SUMF1: variants seen among roughly 807,000 people sequenced by gnomAD.
SUMF1 encodes formylglycine-generating enzyme.
A neutral mutation model predicts 47.6 loss-of-function variants in SUMF1; 48 were observed. The ratio of observed to expected loss-of-function variants is 1.01; its 90% CI spans 0.80 to 1.28. The LOEUF (loss-of-function observed/expected upper bound fraction) is 1.28. Among genes scored for constraint, SUMF1 ranks in the 50% most tolerant of loss-of-function variants. SUMF1 has a pLI of 0.00. For synonymous variants in SUMF1, 230 were observed against 192.1 expected (o/e 1.20, Z -1.63); for missense variants, 571 against 485.4 (o/e 1.18, Z -1.66).
At chr3:4,436,388 T>G (rs1335556030) in intron 3 of SUMF1, among the ~76,000 whole-genome samples, 1 of 151,986 alleles carries the variant, frequency 6.6e-6, no homozygotes, top group East Asian at 1.9e-4. Flanking sequence ...TATAGCCAAA[T>G]AGACAACAGA....
Position 4,137,284 on chromosome 3 carries a change from C to A in SUMF1, c.1015-68539G>T, listed in dbSNP as rs554236295. On this transcript the variant is annotated intron_variant and NMD_transcript_variant, in intron 8 of 12. Coordinates refer to the SUMF1 transcript ENST00000448413. ...TGGCACATATACACCATGGAATACT[C>A]TGCAGCCATAAAAAAGGATGAGTTC... Among the ~76,000 whole-genome samples, 30 of 152,118 alleles carry A rather than the reference C, an allele frequency of 2.0e-4. No individual in the cohort carries two copies. The South Asian group carries it at 2.5e-3, about 13-fold the overall frequency.
At chr3:4,074,493 G>C (rs531819472) in intron 8 of SUMF1, among the ~76,000 whole-genome samples, 1 of 152,116 alleles carries the variant, frequency 6.6e-6, no homozygotes, top group East Asian at 1.9e-4. Context: ...TAAGCTCAGA[G>C]CAGGACTAAA....
intron 8 of SUMF1, chr3:4,303,385 G>A: frequency 6.4e-7 from 1 of 1,555,116 alleles, no homozygotes; most frequent in Non-Finnish European, 8.7e-7. Flanking sequence ...TCGCGGAAGC[G>A]GCAAAGACGA....
At chr3:4,330,817 T>A (rs1032615338) in intron 8 of SUMF1, among the ~76,000 whole-genome samples, 1 of 152,222 alleles carries the variant, frequency 6.6e-6, no homozygotes, top group Admixed American at 6.5e-5. Context: ...CTGAAGCCAA[T>A]TTTTAGTAAA....
At chr3:4,312,541 C>A (rs1698447679) in intron 8 of SUMF1, among the ~76,000 whole-genome samples, 1 of 151,214 alleles carries the variant, frequency 6.6e-6, no homozygotes, top group African/African-American at 2.4e-5. Context: ...AAAATAAAAC[C>A]ACAAATTCTA....
At chr3:4,090,461 C>A (rs896821826) in intron 8 of SUMF1, among the ~76,000 whole-genome samples, 3 of 152,100 alleles carry the variant, frequency 2.0e-5, no homozygotes, top group Non-Finnish European at 4.4e-5. Context: ...ACCTTGTACC[C>A]TGAGCTGCTG....
At position 4,453,000 on chromosome 3, in the gene SUMF1, T is replaced by C. The variant is rs765603013; in HGVS notation, c.320A>G (p.Gln107Arg). The stretch of plus-strand genomic sequence containing the variant: ...AGGTGCTTCCCCATCCTGCTTTATC[T>C]GAGGATCATCTGTGCCCATTGTAAA... The part of the protein sequence containing the change: ...GVFTMGTDDP[Q>R]IKQDGEAPAR... The change falls in exon 2 of 9, where the codon CAG becomes CGG. Residue 107 changes from glutamine (Q) to arginine (R), a missense_variant. Transcript: ENST00000272902. 1 of 1,614,100 alleles carries C rather than the reference T, an allele frequency of 6.2e-7. No individual in the cohort carries two copies.
chr3:4,251,857 T>A (rs1696809583), intron 8 of SUMF1, among the ~76,000 whole-genome samples: 1 of 152,278 alleles, frequency 6.6e-6, no homozygotes, highest in East Asian at 1.9e-4. Flanking sequence ...ATTATTAGAA[T>A]TTTTTTTAGC....
At chr3:4,454,756 T>C (rs2125138836) in intron 1 of SUMF1, among the ~76,000 whole-genome samples, 1 of 152,334 alleles carries the variant, frequency 6.6e-6, no homozygotes, top group Middle Eastern at 3.4e-3. Flanking sequence ...TAAATAAGTA[T>C]TGGTTCATGC....
chr3:4,083,473 G>A (rs1316887847), intron 8 of SUMF1, among the ~76,000 whole-genome samples: 1 of 152,026 alleles, frequency 6.6e-6, no homozygotes, highest in African/African-American at 2.4e-5. Context: ...GGTGCCTATC[G>A]GCTGCACCCC....
intron 8 of SUMF1, among the ~76,000 whole-genome samples, chr3:4,270,409 T>TTC (rs138890956): frequency 3.2e-4 from 47 of 149,018 alleles, no homozygotes; most frequent in South Asian, 8.5e-4. Context: ...CTCTCTCTCT[T>TTC]TCTCTCTCTC....
chr3:4,341,414 T>C (rs1040756073), intron 8 of SUMF1, among the ~76,000 whole-genome samples: 1 of 152,198 alleles, frequency 6.6e-6, no homozygotes, highest in African/African-American at 2.4e-5. Context: ...GGCTTTAACT[T>C]GTAAGATTTA....
intron 3 of SUMF1, among the ~76,000 whole-genome samples, chr3:4,444,823 T>A (rs1052511268): frequency 1.3e-5 from 2 of 152,220 alleles, no homozygotes; most frequent in Admixed American, 1.3e-4. Context: ...GCAATGAGCA[T>A]ACCCAGGGCC....
At chr3:4,237,911 C>A (rs1231022521) in intron 8 of SUMF1, among the ~76,000 whole-genome samples, 1 of 152,100 alleles carries the variant, frequency 6.6e-6, no homozygotes, top group Non-Finnish European at 1.5e-5. Context: ...GGTATTGGTC[C>A]TAATGCTATC....
intron 3 of SUMF1, among the ~76,000 whole-genome samples, chr3:4,445,290 A>G (rs1176569242): frequency 1.3e-5 from 2 of 152,156 alleles, no homozygotes; most frequent in Non-Finnish European, 2.9e-5. Context: ...AAACCTTCAA[A>G]AGGGATCATG....
Position 4,137,911 on chromosome 3 carries a change from T to C in SUMF1, c.1015-69166A>G, listed in dbSNP as rs1693979913. ...TAATCTTGCATATAGTAAACACTAA[T>C]AATACACACACACACACACACATTA... On this transcript the variant is annotated intron_variant and NMD_transcript_variant, in intron 8 of 12. Transcript: ENST00000448413. Among the ~76,000 whole-genome samples, 3 of 121,958 alleles carry C rather than the reference T, an allele frequency of 2.5e-5. No individual in the cohort carries two copies. The Admixed American group carries it at 2.6e-4, about 11-fold the overall frequency. 80.0% of individuals were successfully genotyped at this position (121,958 alleles called of 152,430 possible).
intron 1 of SUMF1, among the ~76,000 whole-genome samples, chr3:4,457,567 G>A (rs1393079689): frequency 6.6e-6 from 1 of 152,146 alleles, no homozygotes; most frequent in African/African-American, 2.4e-5. Context: ...GAACAGGATA[G>A]AGAGTCCAGA....
In SUMF1 at chr3:4,319,552, CA is replaced by C. The variant is rs531635488; in HGVS notation, c.1014+56777del. Among the ~76,000 whole-genome samples, 34 of 152,278 alleles carry C rather than the reference CA, an allele frequency of 2.2e-4. No individual in the cohort carries two copies. The East Asian group carries it at 6.6e-3, about 29-fold the overall frequency. On this transcript the variant is annotated intron_variant and NMD_transcript_variant, in intron 8 of 12. Transcript: ENST00000448413. The stretch of plus-strand genomic sequence containing the variant: ...GGATCAGTTCCCTGAGGGAGGAACT[CA>C]GATGAGACAAATGTAAATTTCAAGT...
intron 8 of SUMF1, among the ~76,000 whole-genome samples, chr3:4,351,624 C>A (rs116121813): frequency 2.6e-3 from 395 of 152,220 alleles, no homozygotes; most frequent in Non-Finnish European, 4.6e-3. Context: ...CCTTCTTCCA[C>A]GCCGCCCCTA....
Sources: gnomAD v4.1 joint callset for allele counts (sites outside exome capture counted in the v4.1 genomes callset) on GRCh38, gnomAD v4.1.1 for gene constraint, MANE v1.5 for transcripts, NCBI Gene and HGNC (gene_info 2026-07-23, HGNC 2026-07-21) for gene names.